Variants in GALNTL6 observed in about 807,000 individuals in gnomAD.
GALNTL6 encodes polypeptide N-acetylgalactosaminyltransferase-like 6.
Under a neutral mutation model 73.7 loss-of-function variants are expected in GALNTL6, and 46 were observed. That is an observed-to-expected ratio of 0.62 (90% CI 0.49 to 0.80). GALNTL6 has a LOEUF of 0.80. Ranked by LOEUF, GALNTL6 falls within the 30% of genes least tolerant of loss-of-function variation. GALNTL6 has a pLI of 0.00. For missense variants in GALNTL6, 604 were observed against 755.0 expected (o/e 0.80, Z 2.34); for synonymous variants, 259 against 263.7 (o/e 0.98, Z 0.17).
intron 5 of GALNTL6, among the ~76,000 whole-genome samples, chr4:172,561,045 A>T (rs966684824): frequency 1.3e-5 from 2 of 151,760 alleles, no homozygotes; most frequent in Admixed American, 6.6e-5. Flanking sequence ...TGAGGTCAGG[A>T]GATCGAGACC....
chr4:171,981,973 T>C (rs1187468400), intron 2 of GALNTL6, among the ~76,000 whole-genome samples: 1 of 152,044 alleles, frequency 6.6e-6, no homozygotes, highest in Non-Finnish European at 1.5e-5. Flanking sequence ...AGAAGTCAAA[T>C]TGGATTTTAA....
chr4:172,416,029 A>C (rs1163116336), intron 5 of GALNTL6, among the ~76,000 whole-genome samples: 1 of 152,196 alleles, frequency 6.6e-6, no homozygotes, highest in East Asian at 1.9e-4. Context: ...GCATAAGACA[A>C]TATGAGGGGT....
At position 172,348,633 on chromosome 4, in the gene GALNTL6, G is replaced by A. The variant is rs755432839; in HGVS notation, c.497G>A (p.Arg166Gln). 2.5e-6 allele frequency: 4 copies of A among 1,611,582 alleles called. No individual in the cohort carries two copies. The highest frequency in any genetic ancestry group is 2.2e-5 in the East Asian group (1 of 44,806). ...LLRTIHSIIN[R>Q]TPGSLIAEII... ...CGGACCATACACAGTATAATTAACC[G>A]AACCCCAGGGAGTCTGATAGCAGAA... The change falls in exon 5 of 13, where the codon CGA becomes CAA. Residue 166 changes from arginine (R) to glutamine (Q), a missense_variant. Transcript: ENST00000506823.
chr4:172,364,119 A>C (rs1433180794), intron 5 of GALNTL6, among the ~76,000 whole-genome samples: 1 of 152,180 alleles, frequency 6.6e-6, no homozygotes, highest in African/African-American at 2.4e-5. Context: ...GCAGACCTTG[A>C]TAGATTTAGT....
chr4:172,802,992 C>T (rs546764712), intron 5 of GALNTL6, among the ~76,000 whole-genome samples: 4 of 152,170 alleles, frequency 2.6e-5, no homozygotes, highest in Non-Finnish European at 5.9e-5. Context: ...ACATATAGCT[C>T]AGATGGTATA....
intron 5 of GALNTL6, among the ~76,000 whole-genome samples, chr4:172,666,528 T>C (rs1731675879): frequency 6.6e-6 from 1 of 152,156 alleles, no homozygotes; most frequent in Non-Finnish European, 1.5e-5. Context: ...AAAAAAATTC[T>C]GTGAGGACGT....
At chr4:172,862,288 G>A (rs920116562) in intron 7 of GALNTL6, among the ~76,000 whole-genome samples, 1 of 152,204 alleles carries the variant, frequency 6.6e-6, no homozygotes, top group African/African-American at 2.4e-5. Context: ...AAAGAGACTG[G>A]TGGCATTTAG....
intron 5 of GALNTL6, among the ~76,000 whole-genome samples, chr4:172,647,351 T>C (rs1434029270): frequency 2.0e-5 from 3 of 152,122 alleles, no homozygotes; most frequent in Non-Finnish European, 2.9e-5. Flanking sequence ...AGTCTTCATG[T>C]ATTATATCAC....
At chr4:172,094,455 ACTTAT>A (rs1347065203) in intron 2 of GALNTL6, among the ~76,000 whole-genome samples, 1 of 152,058 alleles carries the variant, frequency 6.6e-6, no homozygotes, top group African/African-American at 2.4e-5. Context: ...TGGGGAAAAA[ACTTAT>A]CTTATTAAAA....
At chr4:171,912,199 TTA>T (rs1737494194) in intron 2 of GALNTL6, among the ~76,000 whole-genome samples, 1 of 152,194 alleles carries the variant, frequency 6.6e-6, no homozygotes, top group South Asian at 2.1e-4. Context: ...TCCTTTATAT[TTA>T]TAGACTGTGG....
intron 7 of GALNTL6, among the ~76,000 whole-genome samples, chr4:172,862,761 GA>G (rs1470106413): frequency 2.0e-5 from 3 of 152,160 alleles, no homozygotes; most frequent in Admixed American, 1.3e-4. Flanking sequence ...GCCAGCTTCA[GA>G]AATTTGCATA....
intron 5 of GALNTL6, among the ~76,000 whole-genome samples, chr4:172,560,201 AGCGTGATGGTTCAC>A (rs1736303207): frequency 6.6e-6 from 1 of 152,158 alleles, no homozygotes; most frequent in East Asian, 1.9e-4. Context: ...GAGGTGGCCA[AGCGTGATGGTTCAC>A]GGCTGTAGCT....
intron 5 of GALNTL6, among the ~76,000 whole-genome samples, chr4:172,429,595 T>TATTAC (rs1474410716): frequency 3.3e-5 from 5 of 152,344 alleles, no homozygotes; most frequent in African/African-American, 1.2e-4. Flanking sequence ...AGGGTTTTAC[T>TATTAC]ATTACATCAG....
At chr4:172,333,127 C>G (rs966410879) in intron 4 of GALNTL6, among the ~76,000 whole-genome samples, 1 of 152,198 alleles carries the variant, frequency 6.6e-6, no homozygotes, top group South Asian at 2.1e-4. Flanking sequence ...CACTGATGGC[C>G]GGGTGCAGTG....
chr4:172,178,319 G>T (rs1446940169), intron 2 of GALNTL6, among the ~76,000 whole-genome samples: 1 of 151,922 alleles, frequency 6.6e-6, no homozygotes, highest in South Asian at 2.1e-4. Context: ...TAAGTTCTGG[G>T]ATACATGTGC....
At chr4:172,755,237 T>TATAGATAGATAGATAG (rs58940503) in intron 5 of GALNTL6, among the ~76,000 whole-genome samples, 14,189 of 145,492 alleles carry the variant, frequency 0.098, 812 homozygotes, top group South Asian at 0.13. Flanking sequence ...AAATGACAGA[T>TATAGATAGATAGATAG]ATAGATAGAT....
chr4:172,613,641 G>T (rs1451053620), intron 5 of GALNTL6, among the ~76,000 whole-genome samples: 1 of 151,986 alleles, frequency 6.6e-6, no homozygotes, highest in South Asian at 2.1e-4. Context: ...GTGTTTTTTG[G>T]AATTTATAAA....
intron 5 of GALNTL6, among the ~76,000 whole-genome samples, chr4:172,763,295 G>A (rs1262378363): frequency 6.6e-6 from 1 of 151,984 alleles, no homozygotes; most frequent in Non-Finnish European, 1.5e-5. Context: ...AGAAAGTCCA[G>A]GACCTGCAAT....
intron 5 of GALNTL6, among the ~76,000 whole-genome samples, chr4:172,353,070 A>C (rs1741995188): frequency 6.6e-6 from 1 of 152,144 alleles, no homozygotes; most frequent in Non-Finnish European, 1.5e-5. Context: ...GATGAATCAG[A>C]ATCTGCATTT....
Sources: allele counts gnomAD v4.1 joint callset (sites outside exome capture counted in the v4.1 genomes callset), GRCh38; gene constraint gnomAD v4.1.1; transcripts MANE v1.5; gene names NCBI Gene and HGNC (gene_info 2026-07-23, HGNC 2026-07-21).